The following ANK3 variants were observed in gnomAD, a reference collection of about 807,000 sequenced individuals.
The protein encoded by ANK3 is ankyrin-3.
Under a neutral mutation model 370.9 loss-of-function variants are expected in ANK3, and 57 were observed. The ratio of observed to expected loss-of-function variants is 0.15; its 90% CI spans 0.12 to 0.19. The LOEUF (loss-of-function observed/expected upper bound fraction) is 0.19, where lower values mean the gene tolerates loss of function less well. Among genes scored for constraint, ANK3 ranks in the 10% least tolerant of loss-of-function variants. ANK3 has a pLI of 1.00. For missense variants in ANK3, 4,439 were observed against 5,302.1 expected (o/e 0.84, Z 5.06); for synonymous variants, 1,929 against 1,946.3 (o/e 0.99, Z 0.23).
At chr10:60,156,574 T>C (rs939430011) in intron 23 of ANK3, among the ~76,000 whole-genome samples, 18 of 152,170 alleles carry the variant, frequency 1.2e-4, no homozygotes, top group Non-Finnish European at 2.2e-4. Flanking sequence ...CCAGGCAGCC[T>C]GGTGCAGAGA....
intron 8 of ANK3, among the ~76,000 whole-genome samples, chr10:60,220,456 G>A (rs1040858146): frequency 6.6e-6 from 1 of 152,110 alleles, no homozygotes; most frequent in Admixed American, 6.6e-5. Context: ...TGATAGAACA[G>A]ACTCTTTAAA....
At chr10:60,363,833 A>C (rs1478561605) in intron 1 of ANK3, among the ~76,000 whole-genome samples, 1 of 152,216 alleles carries the variant, frequency 6.6e-6, no homozygotes, top group Non-Finnish European at 1.5e-5. Flanking sequence ...GAACATATGC[A>C]TATAATGTCC....
chr10:60,712,557 G>C (rs2079724333), intron 1 of ANK3, among the ~76,000 whole-genome samples: 2 of 152,118 alleles, frequency 1.3e-5, no homozygotes, highest in African/African-American at 4.8e-5. Context: ...AGAAGAAACA[G>C]AGAATAAGGG....
chr10:60,076,410 T>C lies in ANK3; in HGVS notation c.4471A>G (p.Thr1491Ala), dbSNP rs1346034207. 1 of 1,612,622 alleles carries C rather than the reference T, an allele frequency of 6.2e-7. No homozygotes were observed. ...GAAAAGAATGGCTTGTATGAGTAAG[T>C]GGTGGGGAGGGATCTTGTTGCTCCT... ...STGATRSLPT[T>A]YSYKPFFSTR... Residue 1491 changes from threonine to alanine, a missense_variant, in exon 37 of 44, where the codon ACT becomes GCT. Transcript: ENST00000280772.
At chr10:60,281,374 T>C (rs1358267309) in intron 1 of ANK3, among the ~76,000 whole-genome samples, 4 of 152,232 alleles carry the variant, frequency 2.6e-5, no homozygotes, top group Admixed American at 1.3e-4. Flanking sequence ...CCATTTGTGA[T>C]AACTAAAAGT....
At chr10:60,356,064 G>A (rs933532391) in intron 1 of ANK3, among the ~76,000 whole-genome samples, 3 of 152,086 alleles carry the variant, frequency 2.0e-5, no homozygotes, top group Non-Finnish European at 4.4e-5. Flanking sequence ...AATATGTGCC[G>A]GGCTGCTTAT....
rs975662568 is a variant in ANK3, at chr10:60,028,322, G to A, written c.*1524C>T. 29 of 152,618 alleles carry A rather than the reference G, an allele frequency of 1.9e-4. No individual in the cohort carries two copies. The highest frequency in any genetic ancestry group is 6.8e-4 in the African/African-American group (28 of 41,428). The allele number at this position is 152,618 out of a possible 1,614,324, so 9.5% of individuals were successfully genotyped here. A position where few individuals can be genotyped will look rare whatever the true frequency, so the allele number is the denominator to read the frequency against. Reference sequence around the variant, plus strand: ...GAGGCACAAAGAGGACCAATGGGGTGGATTGGCCAGGACTCATATGACAAG... The same window carrying A: ...GAGGCACAAAGAGGACCAATGGGGTAGATTGGCCAGGACTCATATGACAAG... On this transcript the variant is annotated 3_prime_UTR_variant, in exon 44 of 44. Coordinates refer to ENST00000280772, the MANE Select transcript of ANK3 (RefSeq NM_020987.5).
chr10:60,710,206 A>T (rs2079684131), intron 1 of ANK3, among the ~76,000 whole-genome samples: 1 of 152,234 alleles, frequency 6.6e-6, no homozygotes, highest in African/African-American at 2.4e-5. Context: ...AACTGCTCAC[A>T]CAGAGATGAT....
At chr10:60,316,557 A>G (rs1216239447) in intron 1 of ANK3, among the ~76,000 whole-genome samples, 1 of 152,172 alleles carries the variant, frequency 6.6e-6, no homozygotes, top group African/African-American at 2.4e-5. Flanking sequence ...AATATATACA[A>G]TGAGGTTAAT....
intron 1 of ANK3, among the ~76,000 whole-genome samples, chr10:60,632,764 C>T (rs2078501718): frequency 6.6e-6 from 1 of 151,992 alleles, no homozygotes; most frequent in South Asian, 2.1e-4. Context: ...GTGGCTCATA[C>T]CTATAGTACA....
chr10:60,463,048 C>T (rs1012687242), intron 2 of ANK3, among the ~76,000 whole-genome samples: 1 of 152,022 alleles, frequency 6.6e-6, no homozygotes, highest in Admixed American at 6.6e-5. Flanking sequence ...GGACTACAGG[C>T]TTGTGCCACC....
At chr10:60,213,798 A>G (rs931631959) in intron 8 of ANK3, among the ~76,000 whole-genome samples, 2 of 152,186 alleles carry the variant, frequency 1.3e-5, no homozygotes, top group African/African-American at 4.8e-5. Flanking sequence ...TAAGTACTAC[A>G]AGTAATTTGA....
chr10:60,496,438 T>C (rs945993713), intron 2 of ANK3, among the ~76,000 whole-genome samples: 2 of 152,168 alleles, frequency 1.3e-5, no homozygotes, highest in Non-Finnish European at 2.9e-5. Flanking sequence ...AAACAAACCA[T>C]TGGTAAAACA....
intron 1 of ANK3, among the ~76,000 whole-genome samples, chr10:60,281,711 T>C (rs922116): frequency 0.25 from 38,291 of 152,090 alleles, 4,968 homozygotes; most frequent in South Asian, 0.31. Context: ...TGGAATAATA[T>C]AGGAGGCTTT....
intron 2 of ANK3, among the ~76,000 whole-genome samples, chr10:60,451,589 A>G (rs1318386510): frequency 6.6e-6 from 1 of 152,228 alleles, no homozygotes; most frequent in East Asian, 1.9e-4. Flanking sequence ...TCCTACCCAG[A>G]ACACAGAATC....
chr10:60,698,798 T>G (rs887617794), intron 1 of ANK3, among the ~76,000 whole-genome samples: 23 of 149,294 alleles, frequency 1.5e-4, no homozygotes, highest in African/African-American at 5.4e-4. Context: ...ATATACCTAA[T>G]GCTAGATGAC....
chr10:60,149,146 G>C (rs2094968388), intron 23 of ANK3, among the ~76,000 whole-genome samples: 1 of 152,152 alleles, frequency 6.6e-6, no homozygotes, highest in South Asian at 2.1e-4. Flanking sequence ...CTATACCCCA[G>C]AGATGTGTAC....
chr10:60,401,907 G>A (rs1172879301), intron 2 of ANK3, among the ~76,000 whole-genome samples: 4 of 152,046 alleles, frequency 2.6e-5, no homozygotes, highest in African/African-American at 7.2e-5. Context: ...CTGACTTAAC[G>A]GCTAGGCTAA....
intron 7 of ANK3, among the ~76,000 whole-genome samples, chr10:60,247,769 G>A (rs1289593852): frequency 1.3e-5 from 2 of 152,148 alleles, no homozygotes; most frequent in Non-Finnish European, 1.5e-5. Context: ...CCGAGTCCAC[G>A]TGATTCTCCT....
Sources: gnomAD v4.1 joint callset for allele counts (sites outside exome capture counted in the v4.1 genomes callset) on GRCh38, gnomAD v4.1.1 for gene constraint, MANE v1.5 for transcripts, NCBI Gene and HGNC (gene_info 2026-07-23, HGNC 2026-07-21) for gene names.